The following TRPC5 variants were observed in gnomAD, a reference collection of about 807,000 sequenced individuals.
TRPC5 encodes transient receptor potential cation channel subfamily C member 5, also known as short transient receptor potential channel 5.
TRPC5 carries 9 observed loss-of-function variants against 56.5 expected under a neutral mutation model. The ratio of observed to expected loss-of-function variants is 0.16; its 90% confidence interval spans 0.10 to 0.28. The LOEUF is 0.28. TRPC5 is among the 10% of genes least tolerant of loss of function. The pLI is 1.00. For missense variants in TRPC5, 469 were observed against 748.9 expected, an observed-to-expected ratio of 0.63 and a Z score of 4.36; for synonymous variants, 282 against 278.5, an observed-to-expected ratio of 1.01 and a Z score of -0.13.
At chrX:111,844,033 C>A (rs935172167) in intron 6 of TRPC5, among the ~76,000 whole-genome samples, 5 of 109,196 alleles carry the variant, frequency 4.6e-5, no homozygotes, top group African/African-American at 1.7e-4. Flanking sequence ...TGATGTGTTT[C>A]ATGAGGGAAG....
At position 111,960,692 on chromosome X, in the gene TRPC5, G is replaced by A. The variant is rs148489891; in HGVS notation, c.-21-8251C>T. On this transcript the variant is annotated intron_variant, in intron 1 of 10. Transcript: ENST00000262839. The stretch of plus-strand genomic sequence containing the variant: ...TCAGAAATGAGCCTGTCCCATTTCC[G>A]TTGCCCCTTTACTTTGGAATGTAAT... Among the ~76,000 whole-genome samples the A allele has an allele frequency of 6.6e-3, 733 of 111,726 alleles. 6 individuals carry two copies. The highest frequency in any genetic ancestry group is 0.019 in the African/African-American group (570 of 30,794).
chrX:111,992,850 C>T (rs1036718695), intron 1 of TRPC5, among the ~76,000 whole-genome samples: 11 of 110,086 alleles, frequency 1.0e-4, no homozygotes, highest in African/African-American at 3.6e-4. Flanking sequence ...TGATTCATCA[C>T]CTTGGCCAAA....
intron 7 of TRPC5, among the ~76,000 whole-genome samples, chrX:111,785,749 C>T (rs1024161872): frequency 8.9e-6 from 1 of 111,784 alleles, no homozygotes; most frequent in Non-Finnish European, 1.9e-5. Context: ...AACCATGACA[C>T]AAGAACTTCG....
At chrX:111,873,161 A>G (rs1008322823) in intron 3 of TRPC5, among the ~76,000 whole-genome samples, 10 of 112,601 alleles carry the variant, frequency 8.9e-5, no homozygotes, top group African/African-American at 3.2e-4. Context: ...TAGACACCAT[A>G]AAATACTTTG....
At chrX:111,888,722 A>AAG (rs1924655940) in intron 3 of TRPC5, among the ~76,000 whole-genome samples, 2 of 98,410 alleles carry the variant, frequency 2.0e-5, no homozygotes, top group African/African-American at 8.7e-5. Context: ...AAAAAAAAGA[A>AAG]AGAAAAGAAA....
intron 2 of TRPC5, among the ~76,000 whole-genome samples, chrX:111,935,319 G>A (rs139306481): frequency 0.025 from 2,790 of 111,054 alleles, 97 homozygotes; most frequent in African/African-American, 0.086. Context: ...AAGACTAATC[G>A]TTTTTTTTCC....
At chrX:111,981,229 A>T (rs1455099255) in intron 1 of TRPC5, among the ~76,000 whole-genome samples, 1 of 110,054 alleles carries the variant, frequency 9.1e-6, no homozygotes, top group African/African-American at 3.3e-5. Context: ...AGCAGGCTTG[A>T]GACCCCTAAA....
chrX:111,896,703 G>C (rs1208581178), intron 3 of TRPC5, among the ~76,000 whole-genome samples: 8 of 111,782 alleles, frequency 7.2e-5, no homozygotes, highest in African/African-American at 9.8e-5. Context: ...AGGAGAATGA[G>C]ATGTCAGCTC....
At chrX:112,039,926 G>T (rs1392243498) in intron 1 of TRPC5, among the ~76,000 whole-genome samples, 2 of 111,936 alleles carry the variant, frequency 1.8e-5, no homozygotes, top group Non-Finnish European at 3.8e-5. Flanking sequence ...GCATTTACCT[G>T]ACTACTGAAT....
At chrX:112,039,303 A>G (rs1036176846) in intron 1 of TRPC5, among the ~76,000 whole-genome samples, 8 of 109,400 alleles carry the variant, frequency 7.3e-5, no homozygotes, top group Non-Finnish European at 7.6e-5. Context: ...TAAGCATACT[A>G]GTGGCTTGTA....
intron 3 of TRPC5, among the ~76,000 whole-genome samples, chrX:111,879,807 G>T (rs1303322405): frequency 2.7e-5 from 3 of 112,376 alleles, no homozygotes; most frequent in African/African-American, 9.7e-5. Context: ...ATAGCTACAA[G>T]GTGACAAGAG....
chrX:111,779,525 T>C (rs1945903959), intron 9 of TRPC5, among the ~76,000 whole-genome samples: 1 of 111,949 alleles, frequency 8.9e-6, no homozygotes, highest in Admixed American at 9.5e-5. Flanking sequence ...CAACCTACAC[T>C]TCTCCTTTAT....
At chrX:111,963,520 T>A (rs1927458853) in intron 1 of TRPC5, among the ~76,000 whole-genome samples, 1 of 112,117 alleles carries the variant, frequency 8.9e-6, no homozygotes, top group Non-Finnish European at 1.9e-5. Context: ...ACGAGCAGAC[T>A]GCCTCCTCAA....
At chrX:111,795,794 A>G (rs932733342) in intron 7 of TRPC5, among the ~76,000 whole-genome samples, 36 of 111,799 alleles carry the variant, frequency 3.2e-4, no homozygotes, top group African/African-American at 1.2e-3. Context: ...TTCTTCAAAT[A>G]TTCTTTCTTC....
intron 1 of TRPC5, among the ~76,000 whole-genome samples, chrX:112,007,562 C>G (rs1206792458): frequency 9.0e-6 from 1 of 111,686 alleles, no homozygotes; most frequent in Non-Finnish European, 1.9e-5. Context: ...CCCTCCACAC[C>G]TAAGGGTTTG....
At chrX:111,998,768 T>G (rs1041528325) in intron 1 of TRPC5, among the ~76,000 whole-genome samples, 15 of 111,744 alleles carry the variant, frequency 1.3e-4, no homozygotes, top group African/African-American at 4.6e-4. Flanking sequence ...GTGTGGATTT[T>G]GGTACATGTG....
At chrX:111,944,303 T>TGTGTGTGTGTGAGAGAGAGAGAGAGA (rs1173179815) in intron 2 of TRPC5, among the ~76,000 whole-genome samples, 1 of 61,393 alleles carries the variant, frequency 1.6e-5, no homozygotes, top group African/African-American at 1.1e-4. Context: ...TGTGTGTGTG[T>TGTGTGTGTGTGAGAGAGAGAGAGAGA]GAGAGAGAGA....
At chrX:111,949,569 A>C (rs1466769479) in intron 2 of TRPC5, among the ~76,000 whole-genome samples, 1 of 112,334 alleles carries the variant, frequency 8.9e-6, no homozygotes, top group Non-Finnish European at 1.9e-5. Context: ...AGATATACAA[A>C]TGGCCAACAA....
chrX:112,048,399 CAAAAA>C (rs58537492), intron 1 of TRPC5, among the ~76,000 whole-genome samples: 4 of 21,483 alleles, frequency 1.9e-4, no homozygotes, highest in South Asian at 5.1e-3. Context: ...GACTCCGTAT[CAAAAA>C]AAAAAAAAAA....
Sources: gnomAD v4.1 joint callset for allele counts (sites outside exome capture counted in the v4.1 genomes callset) on GRCh38, gnomAD v4.1.1 for gene constraint, MANE v1.5 for transcripts, NCBI Gene and HGNC (gene_info 2026-07-23, HGNC 2026-07-21) for gene names.